Variants in CCDC91 observed in about 807,000 individuals in gnomAD.
The protein encoded by CCDC91 is coiled-coil domain-containing protein 91.
CCDC91 carries 48 observed loss-of-function variants against 63.2 expected under a neutral mutation model. The observed-to-expected ratio is 0.76, with a 90% CI of 0.60 to 0.97. The LOEUF is 0.97. CCDC91 is among the 50% of genes least tolerant of loss of function. The probability of loss-of-function intolerance (pLI) is 0.00; values close to 1 mark genes in which losing one functional copy is unlikely to be tolerated. For synonymous variants in CCDC91, 167 were observed against 165.8 expected (o/e 1.01, Z -0.06); for missense variants, 500 against 494.6 (o/e 1.01, Z -0.10).
At chr12:28,503,912 A>G (rs542322194) in intron 12 of CCDC91, among the ~76,000 whole-genome samples, 34 of 151,930 alleles carry the variant, frequency 2.2e-4, no homozygotes, top group African/African-American at 7.7e-4. Flanking sequence ...AGGAAGAGGA[A>G]CATCACACTC....
intron 3 of CCDC91, among the ~76,000 whole-genome samples, chr12:28,292,253 T>C (rs556998151): frequency 2.6e-5 from 4 of 152,266 alleles, no homozygotes; most frequent in Non-Finnish European, 5.9e-5. Context: ...AACAGCGAAT[T>C]CCAACAATGC....
intron 8 of CCDC91, among the ~76,000 whole-genome samples, chr12:28,393,119 C>T (rs1293989857): frequency 6.6e-6 from 1 of 152,036 alleles, no homozygotes; most frequent in East Asian, 1.9e-4. Context: ...TAGTCTGTTG[C>T]TCTTTGGGGT....
At chr12:28,279,816 A>T (rs1948480389) in intron 3 of CCDC91, among the ~76,000 whole-genome samples, 2 of 152,204 alleles carry the variant, frequency 1.3e-5, no homozygotes, top group South Asian at 4.1e-4. Flanking sequence ...TCTTTCTGTA[A>T]AGCATATTCT....
chr12:28,476,302 A>AC (rs1951087686), intron 11 of CCDC91, among the ~76,000 whole-genome samples: 1 of 152,130 alleles, frequency 6.6e-6, no homozygotes, highest in Non-Finnish European at 1.5e-5. Flanking sequence ...TCAAACTAGA[A>AC]CTCAGGATTA....
chr12:28,320,385 C>T (rs977635863), intron 6 of CCDC91, among the ~76,000 whole-genome samples: 10 of 150,710 alleles, frequency 6.6e-5, no homozygotes, highest in Non-Finnish European at 1.5e-4. Flanking sequence ...TGAGTTTTTT[C>T]TTTTTTTTTA....
At chr12:28,297,989 T>C (rs770453943) in intron 3 of CCDC91, among the ~76,000 whole-genome samples, 17 of 151,810 alleles carry the variant, frequency 1.1e-4, no homozygotes, top group Non-Finnish European at 2.1e-4. Flanking sequence ...TTGAATGTTA[T>C]AGGGCAGTCA....
chr12:28,515,297 A>G (rs1421803023), intron 12 of CCDC91, among the ~76,000 whole-genome samples: 2 of 151,774 alleles, frequency 1.3e-5, no homozygotes, highest in Admixed American at 6.6e-5. Flanking sequence ...TAAAGCTTTC[A>G]TTTTGTTGAG....
At chr12:28,310,100 A>G (rs1939163443) in intron 6 of CCDC91, among the ~76,000 whole-genome samples, 1 of 152,046 alleles carries the variant, frequency 6.6e-6, no homozygotes, top group South Asian at 2.1e-4. Context: ...CCCAAGGACT[A>G]ATTACATTGT....
At chr12:28,276,028 A>C (rs1459567370) in intron 3 of CCDC91, among the ~76,000 whole-genome samples, 2 of 152,118 alleles carry the variant, frequency 1.3e-5, no homozygotes, top group Non-Finnish European at 2.9e-5. Context: ...CTGAATGGAC[A>C]AAAACTGGAA....
chr12:28,238,837 C>T (rs1396018360), intron 1 of CCDC91, among the ~76,000 whole-genome samples: 1 of 151,974 alleles, frequency 6.6e-6, no homozygotes, highest in East Asian at 1.9e-4. Context: ...ATGTGTGTGG[C>T]AGCCAGGCAC....
intron 11 of CCDC91, among the ~76,000 whole-genome samples, chr12:28,478,092 A>C (rs192461748): frequency 9.8e-5 from 15 of 152,304 alleles, no homozygotes; most frequent in Non-Finnish European, 2.2e-4. Context: ...GACTTTCTTC[A>C]CAGAATTGGA....
intron 11 of CCDC91, among the ~76,000 whole-genome samples, chr12:28,477,172 A>C (rs1330137594): frequency 6.6e-6 from 1 of 152,100 alleles, no homozygotes; most frequent in African/African-American, 2.4e-5. Flanking sequence ...CAACAAAAAA[A>C]GGAATTTTAG....
At chr12:28,380,005 A>G (rs1945193105) in intron 7 of CCDC91, among the ~76,000 whole-genome samples, 1 of 152,168 alleles carries the variant, frequency 6.6e-6, no homozygotes, top group African/African-American at 2.4e-5. Context: ...ATAAAAAAGG[A>G]TGAGTTCATG....
chr12:28,480,183 ATTCAACATGAGCTACTTACACAGATCC>A (rs1316746115), intron 11 of CCDC91, among the ~76,000 whole-genome samples: 1 of 152,000 alleles, frequency 6.6e-6, no homozygotes, highest in African/African-American at 2.4e-5. Context: ...CCTAAATAAC[ATTCAACATGAGCTACTTACACAGATCC>A]CTCAGTCTTC....
intron 11 of CCDC91, among the ~76,000 whole-genome samples, chr12:28,469,875 G>A (rs143870755): frequency 2.0e-5 from 3 of 152,176 alleles, no homozygotes; most frequent in African/African-American, 7.2e-5. Context: ...TGGGAAAACT[G>A]GATAGCTGTA....
intron 8 of CCDC91, among the ~76,000 whole-genome samples, chr12:28,408,452 C>A (rs1382338065): frequency 6.6e-6 from 1 of 152,012 alleles, no homozygotes; most frequent in Non-Finnish European, 1.5e-5. Flanking sequence ...CATACTTGTG[C>A]ATGCGTCTGA....
At chr12:28,363,683 C>G (rs145656871) in intron 7 of CCDC91, among the ~76,000 whole-genome samples, 1,925 of 151,636 alleles carry the variant, frequency 0.013, 13 homozygotes, top group Middle Eastern at 0.017. Context: ...CGAGACCATC[C>G]TGGCTAACAC....
At chr12:28,438,182 A>G (rs1949007789) in intron 8 of CCDC91, among the ~76,000 whole-genome samples, 1 of 152,130 alleles carries the variant, frequency 6.6e-6, no homozygotes, top group Non-Finnish European at 1.5e-5. Context: ...TGTCTCCTCC[A>G]AAATTCCTAC....
intron 8 of CCDC91, among the ~76,000 whole-genome samples, chr12:28,426,749 G>T (rs1948338671): frequency 6.6e-6 from 1 of 152,088 alleles, no homozygotes; most frequent in African/African-American, 2.4e-5. Context: ...TATATTAATT[G>T]TTATTTTTAA....
Sources: gnomAD v4.1 joint callset for allele counts (sites outside exome capture counted in the v4.1 genomes callset) on GRCh38, gnomAD v4.1.1 for gene constraint, MANE v1.5 for transcripts, NCBI Gene and HGNC (gene_info 2026-07-23, HGNC 2026-07-21) for gene names.